The following DHRS3 variants were observed in gnomAD, a reference collection of about 807,000 sequenced individuals.
DHRS3 encodes dehydrogenase/reductase 3.
DHRS3 carries 14 observed loss-of-function variants against 27.2 expected under a neutral mutation model. The ratio of observed to expected loss-of-function variants is 0.52; its 90% CI spans 0.34 to 0.81. The LOEUF (loss-of-function observed/expected upper bound fraction) is 0.81, where lower values mean the gene tolerates loss of function less well. DHRS3 is among the 30% of genes least tolerant of loss of function. DHRS3 has a pLI of 0.01. For missense variants in DHRS3, 322 were observed against 406.2 expected (o/e 0.79, Z 1.78); for synonymous variants, 165 against 175.9 (o/e 0.94, Z 0.49).
At chr1:12,580,861 T>C (rs1171497435) in intron 1 of DHRS3, among the ~76,000 whole-genome samples, 195 bp from the exon 2 acceptor site, 2 of 152,170 alleles carry the variant, frequency 1.3e-5, no homozygotes, top group Non-Finnish European at 2.9e-5. Context: ...CTTCTTCTGT[T>C]GCCCAGGCTA....
intron 1 of DHRS3, among the ~76,000 whole-genome samples, chr1:12,613,274 C>T (rs1646922353): frequency 6.6e-6 from 1 of 152,148 alleles, no homozygotes; most frequent in South Asian, 2.1e-4. Flanking sequence ...TTCTGGCCTC[C>T]AGAACCACAA....
In DHRS3 at chr1:12,593,959, C is replaced by T. The variant is rs1455746389; in HGVS notation, c.196-13293G>A. 6.6e-6 allele frequency among the ~76,000 whole-genome samples: 1 copy of T among 152,208 alleles called. No homozygotes were observed. Among genetic ancestry groups the T allele is most frequent in the Non-Finnish European group, 1.5e-5 (1 of 68,040 alleles). On this transcript the variant is annotated intron_variant, in intron 1 of 5. Transcript: ENST00000616661. The surrounding 1 kb of genome is among the most constrained non-coding windows in gnomAD (Gnocchi z 4.6). Reference sequence around the variant, plus strand: ...CCACCTCCATCTGACTGCCCAGGGCCGCACTTGGCAAAACACGGAGGCAGA... The same window carrying T: ...CCACCTCCATCTGACTGCCCAGGGCTGCACTTGGCAAAACACGGAGGCAGA...
At chr1:12,611,590 T>C (rs1033846951) in intron 1 of DHRS3, among the ~76,000 whole-genome samples, 12 of 152,160 alleles carry the variant, frequency 7.9e-5, no homozygotes. Flanking sequence ...CTGAGATCAG[T>C]GATGGGGACA....
chr1:12,569,127 AG>A (rs1440945135), intron 5 of DHRS3, among the ~76,000 whole-genome samples: 1 of 151,514 alleles, frequency 6.6e-6, no homozygotes, highest in Non-Finnish European at 1.5e-5. Context: ...CTGAGGCAGG[AG>A]AATTGCTTGA....
At chr1:12,583,820 A>C (rs1275358630) in intron 1 of DHRS3, among the ~76,000 whole-genome samples, 8 of 130,860 alleles carry the variant, frequency 6.1e-5, no homozygotes, top group Admixed American at 1.5e-4. Flanking sequence ...CATCTACCCT[A>C]CTCCATCTAT....
chr1:12,616,903 G>C, intron 1 of DHRS3: 1 of 942,436 alleles, frequency 1.1e-6, no homozygotes, highest in Non-Finnish European at 1.5e-6. Context: ...GTTTCAGGGT[G>C]GGGGTGAATA....
chr1:12,585,189 CTG>C (rs1227793617), intron 1 of DHRS3, among the ~76,000 whole-genome samples: 1 of 144,472 alleles, frequency 6.9e-6, no homozygotes, highest in East Asian at 2.1e-4. Context: ...GTGTATGTTT[CTG>C]TGTGTGTGTG....
intron 1 of DHRS3, among the ~76,000 whole-genome samples, chr1:12,605,659 T>C (rs183458742): frequency 2.4e-3 from 366 of 152,300 alleles, no homozygotes; most frequent in Non-Finnish European, 4.3e-3. Context: ...CATGACTAAA[T>C]GGGATCTAGT....
chr1:12,579,183 G>C, intron 3 of DHRS3, 110 bp downstream of exon 3: 1 of 1,561,996 alleles, frequency 6.4e-7, no homozygotes, highest in Non-Finnish European at 8.7e-7. Context: ...CCTTGTTCGT[G>C]GACATCCCTG....
chr1:12,582,673 G>T (rs1014545434), intron 1 of DHRS3, among the ~76,000 whole-genome samples: 1 of 151,952 alleles, frequency 6.6e-6, no homozygotes, highest in Non-Finnish European at 1.5e-5. Flanking sequence ...ACCACCCCCC[G>T]CCTTGCCTTG....
rs769355976 is a variant in DHRS3 at position 12,580,528 on chromosome 1, C to T, written c.334G>A (p.Glu112Lys). 1.7e-5 allele frequency: 28 copies of T among 1,614,068 alleles called. No individual in the cohort carries two copies. The highest frequency in any genetic ancestry group is 1.6e-4 in the Middle Eastern group (1 of 6,084). The change falls in exon 2 of 6, where the codon GAG becomes AAG. Residue 112 changes from glutamate (E) to lysine (K), a missense_variant. Physicochemically the swap from Glu to Lys is moderately conservative, Grantham distance 56 (BLOSUM62 1). Coordinates refer to ENST00000616661, the MANE Select transcript of DHRS3 (RefSeq NM_004753.7). ...EVYQTAKAVREKVGDITILVN... is the reference protein window; with the variant it reads ...EVYQTAKAVRKKVGDITILVN... The stretch of plus-strand genomic sequence containing the variant: ...GACCCTCCCAGGCTACAGACCTTCT[C>T]CCGGACGGCCTTGGCCGTCTGGTAC...
chr1:12,586,072 G>T lies in DHRS3; in HGVS notation c.196-5406C>A, dbSNP rs1218212935. On this transcript the variant is annotated intron_variant, in intron 1 of 5. Coordinates refer to ENST00000616661, the MANE Select transcript of DHRS3 (RefSeq NM_004753.7). The surrounding 1 kb of genome is among the most constrained non-coding windows in gnomAD (Gnocchi z 5.0). ...TGTCCCCTTCTCTCTCCCAGTGACT[G>T]GTAGGGGGAGGCAGGAAGGGGAGAA... 6.6e-6 allele frequency among the ~76,000 whole-genome samples: 1 copy of T among 152,142 alleles called. No individual in the cohort carries two copies. Among genetic ancestry groups the T allele is most frequent in the African/African-American group, 2.4e-5 (1 of 41,430 alleles).
chr1:12,603,047 C>CTCT (rs1646846097), intron 1 of DHRS3, among the ~76,000 whole-genome samples: 1 of 152,228 alleles, frequency 6.6e-6, no homozygotes, highest in Admixed American at 6.5e-5. Flanking sequence ...GGCTGAGTCC[C>CTCT]CCTTGGAGAG....
chr1:12,578,774 G>A lies in DHRS3; in HGVS notation c.642C>T (p.Ala214=). The change falls in exon 4 of 6, where the codon GCC becomes GCT. Residue 214 remains alanine (A), a synonymous_variant. Coordinates refer to ENST00000616661, the MANE Select transcript of DHRS3 (RefSeq NM_004753.7). The surrounding 1 kb of genome is among the most constrained non-coding windows in gnomAD (Gnocchi z 4.5). The stretch of plus-strand genomic sequence containing the variant: ...TGGTGTGGAAGGGCAGCACTGTGGT[G>A]GCGCTGACTCCCGGACAGTCCAGCA... ...LGLLDCPGVS[A]TTVLPFHTST... The A allele has an allele frequency of 6.2e-7, 1 of 1,614,122 alleles. No homozygotes were observed. Among genetic ancestry groups the A allele is most frequent in the Non-Finnish European group, 8.5e-7 (1 of 1,180,022 alleles).
At chr1:12,616,763 A>T in intron 1 of DHRS3, 1 of 1,019,464 alleles carries the variant, frequency 9.8e-7, no homozygotes, top group Non-Finnish European at 1.2e-6. Context: ...GGCGGCTCCC[A>T]GCTCTACCCA....
At chr1:12,590,728 G>A (rs191235483) in intron 1 of DHRS3, among the ~76,000 whole-genome samples, 47 of 152,212 alleles carry the variant, frequency 3.1e-4, no homozygotes, top group African/African-American at 1.1e-3. Context: ...TGCTTTCTCC[G>A]AATGGACTCC....
At chr1:12,585,060 A>T (rs1407500950) in intron 1 of DHRS3, among the ~76,000 whole-genome samples, 520 of 76,166 alleles carry the variant, frequency 6.8e-3, no homozygotes, top group Middle Eastern at 0.02. Flanking sequence ...TGTCTCTGTG[A>T]GTATGTGTGT....
chr1:12,580,602 C>A lies in DHRS3; in HGVS notation c.260G>T (p.Gly87Val). ...ACAGATGAAGTAATGGCACTCAGTG[C>A]CCATCTGCCGGATCTCCTCCGTCGT... ...KETTEEIRQM[G>V]TECHYFICDV... Residue 87 changes from glycine (G) to valine (V), a missense_variant, in exon 2 of 6, where the codon GGC (glycine) becomes GTC (valine). By Grantham distance (109) the Gly-to-Val change is moderately radical. Transcript: ENST00000616661. 1 of 1,614,162 alleles carries A rather than the reference C, an allele frequency of 6.2e-7. No homozygotes were observed.
At position 12,586,214 on chromosome 1, in the gene DHRS3, G is replaced by A. The variant is rs746098643; in HGVS notation, c.196-5548C>T. 3.3e-5 allele frequency among the ~76,000 whole-genome samples: 5 copies of A among 152,196 alleles called. No homozygotes were observed. Among genetic ancestry groups the A allele is most frequent in the South Asian group, 2.1e-4 (1 of 4,832 alleles). ...TCTGCGCTGAAGGCTGTCATTATCC[G>A]TGGTCACAGTGGAGAAAACCGTAGC... On this transcript the variant is annotated intron_variant, in intron 1 of 5. Coordinates refer to ENST00000616661, the MANE Select transcript of DHRS3 (RefSeq NM_004753.7). This position sits in a 1 kb window ranked among gnomAD's most constrained non-coding sequence, Gnocchi z 5.0.
Sources: gnomAD v4.1 joint callset for allele counts (sites outside exome capture counted in the v4.1 genomes callset) on GRCh38, gnomAD v4.1.1 for gene constraint, Gnocchi (gnomAD v3.1) non-coding constraint, MANE v1.5 for transcripts, NCBI Gene and HGNC (gene_info 2026-07-23, HGNC 2026-07-21) for gene names.